Variants in LRRC71 observed in about 807,000 individuals in gnomAD.
LRRC71 encodes leucine rich repeat containing 71.
LRRC71 carries 54 observed loss-of-function variants against 66.6 expected under a neutral mutation model. That is an observed-to-expected ratio of 0.81 (90% CI 0.65 to 1.02). The LOEUF is 1.02. LRRC71 is among the 50% of genes least tolerant of loss of function. The pLI, the probability that LRRC71 is intolerant of heterozygous loss-of-function variation, is 0.00. For missense variants in LRRC71, 724 were observed against 718.0 expected (o/e 1.01, Z -0.10); for synonymous variants, 323 against 303.9 (o/e 1.06, Z -0.65).
intron 11 of LRRC71, among the ~76,000 whole-genome samples, chr1:156,930,091 TTCTC>T (rs796962240): frequency 8.9e-4 from 86 of 96,844 alleles, no homozygotes; most frequent in Admixed American, 2.6e-3. Flanking sequence ...CTTTCTTTCT[TTCTC>T]TCTCTTTTTT....
At chr1:156,936,489 A>ATATATATATATATAT (rs1235714151), downstream of LRRC71, among the ~76,000 whole-genome samples, 1 of 77,152 alleles carries the variant, frequency 1.3e-5, no homozygotes, top group African/African-American at 5.8e-5. Flanking sequence ...AGAAAAAAAA[A>ATATATATATATATAT]AAAAAAAAAT....
intron 11 of LRRC71, 51 bp from the exon 12 acceptor site, chr1:156,930,478 G>C: frequency 6.8e-7 from 1 of 1,476,988 alleles, no homozygotes; most frequent in Non-Finnish European, 9.2e-7. Context: ...AGGGAGCCTG[G>C]GTGGTATCAG....
chr1:156,926,442 A>C (rs1181525279), intron 5 of LRRC71, among the ~76,000 whole-genome samples: 1 of 152,174 alleles, frequency 6.6e-6, no homozygotes, highest in Non-Finnish European at 1.5e-5. Context: ...TGGCCAGCTG[A>C]GAGAGTGCCA....
chr1:156,925,869 T>G (rs1653123783), intron 5 of LRRC71, among the ~76,000 whole-genome samples: 1 of 152,268 alleles, frequency 6.6e-6, no homozygotes, highest in Non-Finnish European at 1.5e-5. Context: ...TAAAACACCA[T>G]GAAACATATT....
downstream of LRRC71, chr1:156,936,951 C>A: frequency 6.2e-7 from 1 of 1,614,052 alleles, no homozygotes; most frequent in South Asian, 1.1e-5. Context: ...GTGGTGCCAC[C>A]AGATGACTCT....
At chr1:156,927,700 T>TGGGCGGCTC (rs778207279) in intron 7 of LRRC71, 33 bp from the exon 8 acceptor site, 3 of 1,606,346 alleles carry the variant, frequency 1.9e-6, no homozygotes, top group Non-Finnish European at 2.5e-6. Flanking sequence ...AGGGGCGGCT[T>TGGGCGGCTC]GGGCGGCTCA....
At position 156,929,326 on chromosome 1, in the gene LRRC71, G is replaced by C; in HGVS notation, c.1043G>C (p.Ser348Thr). Residue 348 changes from serine to threonine, a missense_variant, in exon 10 of 15, where the codon AGT becomes ACT. Transcript: ENST00000337428. ...HGDSKTDREK[S>T]QMVGISNSAL... ...GACTCCAAAACGGACCGTGAGAAGAGTCAGATGGTAGGGATCAGCAATAGT... is the reference window on the plus strand; with the variant it reads ...GACTCCAAAACGGACCGTGAGAAGACTCAGATGGTAGGGATCAGCAATAGT... The C allele has an allele frequency of 1.2e-6, 2 of 1,612,450 alleles. No individual in the cohort carries two copies. Among genetic ancestry groups the C allele is most frequent in the African/African-American group, 1.3e-5 (1 of 75,022 alleles).
intron 9 of LRRC71, 59 bp from the exon 10 acceptor site, chr1:156,929,221 C>A: frequency 6.5e-7 from 1 of 1,543,624 alleles, no homozygotes; most frequent in Non-Finnish European, 8.8e-7. Flanking sequence ...ACCTTTCATG[C>A]CCCCATTGAG....
the LRRC71 span, chr1:156,940,016 G>T: frequency 6.5e-7 from 1 of 1,529,462 alleles, no homozygotes; most frequent in East Asian, 2.3e-5. Context: ...TCAGGCACAG[G>T]TGAAGCTGGA....
At chr1:156,932,248 A>G in intron 13 of LRRC71, 176 bp from the exon 14 acceptor site, 1 of 663,600 alleles carries the variant, frequency 1.5e-6, no homozygotes, top group South Asian at 1.8e-5. Flanking sequence ...GGAGTTAGAG[A>G]GATGGGGAGT....
At chr1:156,937,062 G>C (rs1412337458), downstream of LRRC71, 1 of 1,590,626 alleles carries the variant, frequency 6.3e-7, no homozygotes, top group Non-Finnish European at 8.6e-7. Context: ...AAGGCCCCTG[G>C]GGAAGGGGTC....
chr1:156,931,197 C>A (rs1654315461), intron 12 of LRRC71, among the ~76,000 whole-genome samples: 1 of 152,156 alleles, frequency 6.6e-6, no homozygotes, highest in Non-Finnish European at 1.5e-5. Context: ...CTTATGGTCC[C>A]TCATCCCTCC....
rs1159317674 is a variant in LRRC71, at chr1:156,929,329, A to G, written c.1046A>G (p.Gln349Arg). 6.2e-7 allele frequency: 1 copy of G among 1,612,668 alleles called. No homozygotes were observed. Among genetic ancestry groups the G allele is most frequent in the Non-Finnish European group, 8.5e-7 (1 of 1,179,282 alleles). ...GDSKTDREKS[Q>R]MVGISNSALV... ...TCCAAAACGGACCGTGAGAAGAGTC[A>G]GATGGTAGGGATCAGCAATAGTGCA... The change falls in exon 10 of 15, where the codon CAG becomes CGG. Residue 349 changes from glutamine to arginine, a missense_variant. Physicochemically the swap from Gln to Arg is conservative, Grantham distance 43. Transcript: ENST00000337428.
At chr1:156,926,573 C>A (rs945531092) in intron 5 of LRRC71, among the ~76,000 whole-genome samples, 1 of 132,760 alleles carries the variant, frequency 7.5e-6, no homozygotes, top group Admixed American at 7.6e-5. Flanking sequence ...CCCCACCCCC[C>A]ACCTCTTCTT....
At position 156,927,924 on chromosome 1, in the gene LRRC71, G is replaced by T; in HGVS notation, c.916G>T (p.Ala306Ser). 6.2e-7 allele frequency: 1 copy of T among 1,611,830 alleles called. No individual in the cohort carries two copies. Among genetic ancestry groups the T allele is most frequent in the South Asian group, 1.1e-5 (1 of 90,662 alleles). ...CGCCCGCCTCCTTCAGGTCCTGCGCGCCTTCGAGCTGACACACACCGAAGT... is the reference window on the plus strand; with the variant it reads ...CGCCCGCCTCCTTCAGGTCCTGCGCTCCTTCGAGCTGACACACACCGAAGT... ...GALKLAEVLR[A>S]FELTHTEVVE... Residue 306 changes from alanine to serine, a missense_variant, in exon 9 of 15, where the codon GCC (alanine) becomes TCC (serine). Transcript: ENST00000337428.
At chr1:156,932,355 A>C in intron 13 of LRRC71, 69 bp from the exon 14 acceptor site, 1 of 1,262,918 alleles carries the variant, frequency 7.9e-7, no homozygotes. Context: ...GATGCTGGGG[A>C]TGTCTGGTGT....
At position 156,920,919 on chromosome 1, in the gene LRRC71, C is replaced by A. The variant is rs1450307269; in HGVS notation, c.116C>A (p.Ala39Glu). The A allele has an allele frequency of 5.2e-6, 8 of 1,540,844 alleles. No individual in the cohort carries two copies. The South Asian group carries it at 7.3e-5, about 14-fold the overall frequency. ...GAGCGCGCGGCCAAAGAGAAGCCAG[C>A]GACCGTTCTGCCTCCCGTGGGGGAG... ...KGERAAKEKP[A>E]TVLPPVGEEE... The change falls in exon 1 of 15, where the codon GCG becomes GAG. Residue 39 changes from alanine (A) to glutamate (E), a missense_variant. Coordinates refer to ENST00000337428, the MANE Select transcript of LRRC71 (RefSeq NM_144702.3). The surrounding 1 kb of genome is among the most constrained non-coding windows in gnomAD (Gnocchi z 4.9).
At chr1:156,929,525 G>A (rs1653950718) in intron 10 of LRRC71, 96 bp downstream of exon 10, 1 of 1,568,092 alleles carries the variant, frequency 6.4e-7, no homozygotes, top group Non-Finnish European at 8.7e-7. Context: ...GGCCACATGG[G>A]CCTTTGAAGT....
chr1:156,933,572 C>T (rs1389430936), downstream of LRRC71, among the ~76,000 whole-genome samples: 1 of 152,228 alleles, frequency 6.6e-6, no homozygotes, highest in Non-Finnish European at 1.5e-5. Context: ...GTGCTAAACG[C>T]TCAACATCTA....
Sources: gnomAD v4.1 joint callset for allele counts (sites outside exome capture counted in the v4.1 genomes callset) on GRCh38, gnomAD v4.1.1 for gene constraint, Gnocchi (gnomAD v3.1) non-coding constraint, MANE v1.5 for transcripts, NCBI Gene and HGNC (gene_info 2026-07-23, HGNC 2026-07-21) for gene names.